PDE8B: variants seen among roughly 807,000 people sequenced by gnomAD.
PDE8B encodes high affinity cAMP-specific and IBMX-insensitive 3',5'-cyclic phosphodiesterase 8B.
PDE8B carries 26 observed loss-of-function variants against 101.3 expected under a neutral mutation model. That is an observed-to-expected ratio of 0.26 (90% CI 0.19 to 0.36). PDE8B has a LOEUF of 0.36. PDE8B is among the 10% of genes least tolerant of loss of function. The probability of loss-of-function intolerance (pLI) is 1.00; values close to 1 mark genes in which losing one functional copy is unlikely to be tolerated. For missense variants in PDE8B, 810 were observed against 1,163.1 expected (o/e 0.70, Z 4.42); for synonymous variants, 424 against 429.3 (o/e 0.99, Z 0.15).
chr5:77,109,957 A>ATTTTTTT, the PDE8B span, among the ~76,000 whole-genome samples: 1 of 10,310 alleles, frequency 9.7e-5, no homozygotes, highest in African/African-American at 3.6e-4. Context: ...TTTTTTTTTG[A>ATTTTTTT]GATGGAGTCT....
chr5:77,371,163 T>A (rs537156615), intron 10 of PDE8B, among the ~76,000 whole-genome samples: 7 of 152,340 alleles, frequency 4.6e-5, no homozygotes, highest in African/African-American at 1.7e-4. Flanking sequence ...TTATGTTCGT[T>A]GTTTTCTGTG....
intron 1 of PDE8B, among the ~76,000 whole-genome samples, chr5:77,252,753 G>A (rs1049633246): frequency 1.1e-4 from 16 of 152,294 alleles, no homozygotes; most frequent in East Asian, 3.9e-4. Flanking sequence ...AGAGGTAGCC[G>A]TTGAGGAGTA....
At chr5:77,233,474 A>T (rs1005732525) in intron 1 of PDE8B, among the ~76,000 whole-genome samples, 2 of 152,208 alleles carry the variant, frequency 1.3e-5, no homozygotes, top group African/African-American at 4.8e-5. Flanking sequence ...GCATTGTAAG[A>T]TATCAATGGA....
chr5:77,264,072 C>T (rs1021486187), intron 1 of PDE8B, among the ~76,000 whole-genome samples: 2 of 152,104 alleles, frequency 1.3e-5, no homozygotes, highest in Non-Finnish European at 2.9e-5. Context: ...TTTCATTTAG[C>T]GTAGTGTTTT....
chr5:77,334,569 C>G (rs1561542066), intron 5 of PDE8B, among the ~76,000 whole-genome samples: 1 of 152,102 alleles, frequency 6.6e-6, no homozygotes, highest in Non-Finnish European at 1.5e-5. Flanking sequence ...TGTGGAGAGG[C>G]CTTTTGTGGA....
chr5:77,255,525 C>T (rs1371497751), intron 1 of PDE8B, among the ~76,000 whole-genome samples: 1 of 152,218 alleles, frequency 6.6e-6, no homozygotes, highest in Non-Finnish European at 1.5e-5. Context: ...GAAGCCTTGG[C>T]TCACACATGA....
chr5:77,287,964 T>C (rs1308658657), intron 1 of PDE8B, among the ~76,000 whole-genome samples: 1 of 152,258 alleles, frequency 6.6e-6, no homozygotes. Flanking sequence ...GGTCAACCTT[T>C]TTTTCCCTTA....
intron 14 of PDE8B, 54 bp from the exon 15 acceptor site, chr5:77,411,622 G>T: frequency 3.0e-6 from 4 of 1,347,354 alleles, no homozygotes; most frequent in Non-Finnish European, 4.2e-6. Flanking sequence ...AAAAAAAAAA[G>T]AGAATGATAA....
At chr5:77,412,324 T>A in intron 16 of PDE8B, 89 bp downstream of exon 16, 1 of 1,402,060 alleles carries the variant, frequency 7.1e-7, no homozygotes, top group Non-Finnish European at 1.0e-6. Context: ...GACATGTTTT[T>A]GCTGTGAGAG....
intron 1 of PDE8B, among the ~76,000 whole-genome samples, chr5:77,254,849 T>G (rs1259681121): frequency 6.6e-6 from 1 of 152,216 alleles, no homozygotes; most frequent in Non-Finnish European, 1.5e-5. Context: ...ACTATATTTC[T>G]TCATTTGTGT....
chr5:77,364,665 C>CATTATTTGTTAGT (rs1179885847), intron 10 of PDE8B, among the ~76,000 whole-genome samples: 25 of 152,264 alleles, frequency 1.6e-4, no homozygotes, highest in African/African-American at 5.5e-4. Flanking sequence ...TTCAACTTTT[C>CATTATTTGTTAGT]CTCATTATTT....
chr5:77,391,972 G>A (rs1790040355), intron 10 of PDE8B, among the ~76,000 whole-genome samples: 1 of 152,178 alleles, frequency 6.6e-6, no homozygotes, highest in Admixed American at 6.5e-5. Context: ...CACTATATCA[G>A]TAAGTAGCTG....
intron 2 of PDE8B, among the ~76,000 whole-genome samples, chr5:77,323,604 T>C (rs532489393): frequency 6.6e-6 from 1 of 151,906 alleles, no homozygotes; most frequent in East Asian, 1.9e-4. Flanking sequence ...GGGTAAGGAG[T>C]ACGTGAGTTT....
intron 2 of PDE8B, among the ~76,000 whole-genome samples, chr5:77,324,464 T>C (rs1443369845): frequency 6.6e-6 from 1 of 152,024 alleles, no homozygotes; most frequent in African/African-American, 2.4e-5. Flanking sequence ...GGTGGTAGGG[T>C]AGTCTGTGTC....
chr5:77,145,867 C>G, the PDE8B span: 2 of 152,126 alleles, frequency 1.3e-5, no homozygotes, highest in Non-Finnish European at 2.9e-5. Context: ...TGCTACTTTT[C>G]ATGAAAAAAG....
chr5:77,230,155 TG>T (rs1223507332), intron 1 of PDE8B, among the ~76,000 whole-genome samples: 9 of 152,214 alleles, frequency 5.9e-5, no homozygotes, highest in Non-Finnish European at 1.5e-5. Context: ...GTATCTCACG[TG>T]GTTTGATTTG....
At chr5:77,400,431 G>C in intron 11 of PDE8B, 141 bp downstream of exon 11, 1 of 700,248 alleles carries the variant, frequency 1.4e-6, no homozygotes, top group East Asian at 2.6e-5. Flanking sequence ...ATATCACAAG[G>C]TTGGCAAGCC....
chr5:77,093,194 A>G, the PDE8B span, among the ~76,000 whole-genome samples: 1 of 152,180 alleles, frequency 6.6e-6, no homozygotes, highest in African/African-American at 2.4e-5. Context: ...AGATTCAACA[A>G]TGAAGCCATC....
intron 2 of PDE8B, among the ~76,000 whole-genome samples, chr5:77,317,884 C>G (rs1367595121): frequency 6.6e-6 from 1 of 151,806 alleles, no homozygotes; most frequent in Non-Finnish European, 1.5e-5. Context: ...TGGTGAAACC[C>G]CGTCTTTACT....
Sources: gnomAD v4.1 joint callset for allele counts (sites outside exome capture counted in the v4.1 genomes callset) on GRCh38, gnomAD v4.1.1 for gene constraint, MANE v1.5 for transcripts, NCBI Gene and HGNC (gene_info 2026-07-23, HGNC 2026-07-21) for gene names.